OSBPL1A: variants seen among roughly 807,000 people sequenced by gnomAD.
OSBPL1A encodes the protein oxysterol-binding protein-related protein 1.
A neutral mutation model predicts 137.1 loss-of-function variants in OSBPL1A; 80 were observed. The observed-to-expected ratio is 0.58, with a 90% CI of 0.49 to 0.70. OSBPL1A has a LOEUF of 0.70. OSBPL1A is among the 30% of genes least tolerant of loss of function. The pLI, the probability that OSBPL1A is intolerant of heterozygous loss-of-function variation, is 0.00. For synonymous variants in OSBPL1A, 365 were observed against 389.7 expected (o/e 0.94, Z 0.75); for missense variants, 970 against 1,129.4 (o/e 0.86, Z 2.02).
chr18:24,339,392 T>G (rs188602509), intron 5 of OSBPL1A, among the ~76,000 whole-genome samples: 2 of 152,216 alleles, frequency 1.3e-5, no homozygotes, highest in African/African-American at 4.8e-5. Flanking sequence ...TGTTATTATA[T>G]GTGGGTAAGG....
At chr18:24,386,895 T>A (rs1259337864) in intron 1 of OSBPL1A, among the ~76,000 whole-genome samples, 1 of 152,082 alleles carries the variant, frequency 6.6e-6, no homozygotes, top group Admixed American at 6.6e-5. Flanking sequence ...AGGTCAAAGC[T>A]ACAGTGAGCC....
chr18:24,257,124 AC>A (rs968862427), intron 15 of OSBPL1A, among the ~76,000 whole-genome samples: 3 of 152,168 alleles, frequency 2.0e-5, no homozygotes, highest in Non-Finnish European at 2.9e-5. Flanking sequence ...ATAGAAAAAA[AC>A]AATTTTAGAA....
chr18:24,252,253 A>C (rs2089118482), intron 15 of OSBPL1A, among the ~76,000 whole-genome samples: 2 of 152,184 alleles, frequency 1.3e-5, no homozygotes, highest in Non-Finnish European at 2.9e-5. Flanking sequence ...AACCCAAAGA[A>C]GACGACCTCA....
intron 15 of OSBPL1A, among the ~76,000 whole-genome samples, chr18:24,249,610 C>T (rs1380497297): frequency 6.6e-6 from 1 of 152,148 alleles, no homozygotes; most frequent in Non-Finnish European, 1.5e-5. Context: ...GCAGAGTACA[C>T]CAACTGGGGG....
chr18:24,338,886 G>T (rs963755365), intron 5 of OSBPL1A, among the ~76,000 whole-genome samples: 11 of 152,100 alleles, frequency 7.2e-5, no homozygotes, highest in African/African-American at 2.7e-4. Context: ...GCTAATTTTT[G>T]TATTTTTAGT....
At chr18:24,394,523 A>G (rs891540470) in intron 1 of OSBPL1A, among the ~76,000 whole-genome samples, 1 of 152,190 alleles carries the variant, frequency 6.6e-6, no homozygotes, top group African/African-American at 2.4e-5. Flanking sequence ...AGGTATGAAG[A>G]GCAGAGAACC....
At chr18:24,227,663 G>A (rs2088129502) in intron 16 of OSBPL1A, among the ~76,000 whole-genome samples, 1 of 152,156 alleles carries the variant, frequency 6.6e-6, no homozygotes, top group Non-Finnish European at 1.5e-5. Flanking sequence ...AGTGGAATTG[G>A]TGCTCGGGCG....
chr18:24,353,201 G>C (rs2091473380), intron 4 of OSBPL1A, among the ~76,000 whole-genome samples: 1 of 152,084 alleles, frequency 6.6e-6, no homozygotes, highest in African/African-American at 2.4e-5. Flanking sequence ...AATCTACAAT[G>C]AACTCAAACA....
chr18:24,256,941 T>C (rs1317139648), intron 15 of OSBPL1A, among the ~76,000 whole-genome samples: 1 of 73,610 alleles, frequency 1.4e-5, no homozygotes, highest in Non-Finnish European at 2.7e-5. Flanking sequence ...TATAAAACGC[T>C]GATGAAAGAA....
chr18:24,229,430 TAG>T (rs1033106334), intron 16 of OSBPL1A, among the ~76,000 whole-genome samples: 7 of 152,196 alleles, frequency 4.6e-5, no homozygotes, highest in African/African-American at 1.4e-4. Context: ...GTGCAATGAA[TAG>T]AGAGATGTGG....
intron 15 of OSBPL1A, among the ~76,000 whole-genome samples, chr18:24,252,698 T>G (rs2089133576): frequency 6.6e-6 from 1 of 152,196 alleles, no homozygotes; most frequent in East Asian, 1.9e-4. Context: ...ATTATAATTG[T>G]GGTGTGTAAA....
At position 24,337,075 on chromosome 18, in the gene OSBPL1A, A is replaced by C. The variant is rs528546304; in HGVS notation, c.395-2745T>G. Among the ~76,000 whole-genome samples, 268 of 152,350 alleles carry C rather than the reference A, an allele frequency of 1.8e-3. 1 individual carries two copies. The highest frequency in any genetic ancestry group is 2.4e-3 in the Non-Finnish European group (165 of 68,036). ...GTGCCTCCTAATAGGATGCACTGGC[A>C]TGGGATAGAAACTCACCTACATAAT... On this transcript the variant is annotated intron_variant, in intron 5 of 27. Transcript: ENST00000319481.
intron 2 of OSBPL1A, among the ~76,000 whole-genome samples, chr18:24,376,688 T>C (rs1906174055): frequency 6.6e-6 from 1 of 152,184 alleles, no homozygotes; most frequent in Non-Finnish European, 1.5e-5. Flanking sequence ...GGTGGGAGGC[T>C]GAAGCATGGC....
In OSBPL1A at chr18:24,215,343, C is replaced by T. The variant is rs904702470; in HGVS notation, c.1601+9699G>A. Among the ~76,000 whole-genome samples the T allele has an allele frequency of 9.2e-5, 14 of 152,274 alleles. No homozygotes were observed. The South Asian group carries it at 1.4e-3, about 16-fold the overall frequency. ...ACTGTGCTGTATCAACATGATACAA[C>T]AGCAGGTCATAGCCCAGACAATGAG... On this transcript the variant is annotated intron_variant, in intron 17 of 27. Transcript: ENST00000319481.
At chr18:24,164,392 A>G (rs2086090736) in intron 27 of OSBPL1A, among the ~76,000 whole-genome samples, 1 of 148,276 alleles carries the variant, frequency 6.7e-6, no homozygotes, top group Admixed American at 6.7e-5. Flanking sequence ...TAGTACAGCC[A>G]TTATGGAAAA....
rs144216544 is a variant in OSBPL1A at position 24,302,938 on chromosome 18, G to A, written c.1174+699C>T. On this transcript the variant is annotated intron_variant, in intron 14 of 27. Transcript: ENST00000319481. ...AAAAGTGTTGTTCGAAGTAACAGCCGGTAAGTGGAAGAGTAAGGATTCAAG... is the reference window on the plus strand; with the variant it reads ...AAAAGTGTTGTTCGAAGTAACAGCCAGTAAGTGGAAGAGTAAGGATTCAAG... 2.8e-3 allele frequency among the ~76,000 whole-genome samples: 427 copies of A among 152,070 alleles called. 2 individuals carry two copies. Among genetic ancestry groups the A allele is most frequent in the African/African-American group, 9.7e-3 (401 of 41,452 alleles).
At chr18:24,210,252 C>A (rs925099368) in intron 17 of OSBPL1A, among the ~76,000 whole-genome samples, 2 of 152,028 alleles carry the variant, frequency 1.3e-5, no homozygotes, top group African/African-American at 4.8e-5. Context: ...TGTTGAAACC[C>A]CGTCTCTACT....
At position 24,272,764 on chromosome 18, in the gene OSBPL1A, T is replaced by C. The variant is rs275873; in HGVS notation, c.1281+8078A>G. On this transcript the variant is annotated intron_variant, in intron 15 of 27. Coordinates refer to ENST00000319481, the MANE Select transcript of OSBPL1A (RefSeq NM_080597.4). ...AAGATCCTAGGTACTTTAAGTCCCA[T>C]TGAAGTTGGTGGTAGCTGTAATTGC... 4.8e-3 allele frequency among the ~76,000 whole-genome samples: 738 copies of C among 152,310 alleles called. 8 individuals are homozygous for C. The highest frequency in any genetic ancestry group is 0.017 in the African/African-American group (702 of 41,568).
intron 14 of OSBPL1A, among the ~76,000 whole-genome samples, chr18:24,284,636 A>G (rs913883024): frequency 6.6e-6 from 1 of 152,180 alleles, no homozygotes; most frequent in Non-Finnish European, 1.5e-5. Context: ...TGTAAAAAAA[A>G]AAAAGTCCAC....
Sources: gnomAD v4.1 joint callset for allele counts (sites outside exome capture counted in the v4.1 genomes callset) on GRCh38, gnomAD v4.1.1 for gene constraint, MANE v1.5 for transcripts, NCBI Gene and HGNC (gene_info 2026-07-23, HGNC 2026-07-21) for gene names.